PITPNM3: variants seen among roughly 807,000 people sequenced by gnomAD.
PITPNM3 encodes membrane-associated phosphatidylinositol transfer protein 3.
Under a neutral mutation model 102.0 loss-of-function variants are expected in PITPNM3, and 26 were observed. The observed-to-expected ratio is 0.25, with a 90% CI of 0.19 to 0.35. The LOEUF (loss-of-function observed/expected upper bound fraction) is 0.35, where lower values mean the gene tolerates loss of function less well. Among genes scored for constraint, PITPNM3 ranks in the 10% least tolerant of loss-of-function variants. The probability of loss-of-function intolerance (pLI) is 1.00; values close to 1 mark genes in which losing one functional copy is unlikely to be tolerated. For missense variants in PITPNM3, 1,083 were observed against 1,346.1 expected, an observed-to-expected ratio of 0.80 and a Z score of 3.06; for synonymous variants, 578 against 558.6, an observed-to-expected ratio of 1.03 and a Z score of -0.49.
At chr17:6,482,036 G>GTCTCTCTCTCTC (rs1567670360) in intron 6 of PITPNM3, among the ~76,000 whole-genome samples, 4 of 25,844 alleles carry the variant, frequency 1.5e-4, no homozygotes, top group Admixed American at 3.6e-4. Context: ...CTCTCTCTCT[G>GTCTCTCTCTCTC]TCTGTCTCTC....
chr17:6,500,056 C>T (rs1462410113), intron 4 of PITPNM3, among the ~76,000 whole-genome samples: 3 of 152,154 alleles, frequency 2.0e-5, no homozygotes, highest in African/African-American at 7.2e-5. Flanking sequence ...CTTTCCACAA[C>T]TGAGTAAACT....
At position 6,457,846 on chromosome 17, in the gene PITPNM3, C is replaced by G; in HGVS notation, c.2491-124G>C. On this transcript the variant is annotated intron_variant, in intron 18 of 19. Coordinates refer to ENST00000262483, the MANE Select transcript of PITPNM3 (RefSeq NM_031220.4). The surrounding 1 kb of genome is among the most constrained non-coding windows in gnomAD (Gnocchi z 4.7). The stretch of plus-strand genomic sequence containing the variant: ...TATGTGCACTCTGGTAGACTCCAAG[C>G]CATGGGGCCACCCTGTGTCAGGAAT... The G allele has an allele frequency of 7.4e-7, 1 of 1,349,466 alleles. No individual in the cohort carries two copies. Among genetic ancestry groups the G allele is most frequent in the South Asian group, 1.3e-5 (1 of 79,322 alleles). The allele number at this position is 1,349,466 out of a possible 1,614,324, so 83.6% of individuals were successfully genotyped here.
At chr17:6,549,146 G>A (rs1405352724) in intron 1 of PITPNM3, among the ~76,000 whole-genome samples, 1 of 152,094 alleles carries the variant, frequency 6.6e-6, no homozygotes, top group African/African-American at 2.4e-5. Context: ...CCTAGAGAGA[G>A]CAGCTTCACA....
intron 4 of PITPNM3, among the ~76,000 whole-genome samples, chr17:6,492,853 A>G (rs1367338560): frequency 6.6e-6 from 1 of 152,062 alleles, no homozygotes; most frequent in Non-Finnish European, 1.5e-5. Context: ...GTGAAACCCT[A>G]TCTCAAAAAA....
chr17:6,501,854 T>G (rs1382571122), intron 4 of PITPNM3, among the ~76,000 whole-genome samples: 1 of 152,220 alleles, frequency 6.6e-6, no homozygotes, highest in Non-Finnish European at 1.5e-5. Flanking sequence ...TGGTGTGGAA[T>G]GGCCCCATCT....
chr17:6,531,490 T>G (rs1909142846), intron 2 of PITPNM3, among the ~76,000 whole-genome samples: 1 of 152,244 alleles, frequency 6.6e-6, no homozygotes, highest in Non-Finnish European at 1.5e-5. Flanking sequence ...CTGGCCAGAC[T>G]ACCTGTCACC....
In PITPNM3 at chr17:6,455,261, G is replaced by A. The variant is rs528096089; in HGVS notation, c.*77C>T. 2.0e-6 allele frequency: 3 copies of A among 1,477,822 alleles called. No homozygotes were observed. The South Asian group carries it at 3.9e-5, about 19-fold the overall frequency. 91.5% of individuals were successfully genotyped at this position (1,477,822 alleles called of 1,614,324 possible). On this transcript the variant is annotated 3_prime_UTR_variant, in exon 20 of 20. Coordinates refer to ENST00000262483, the MANE Select transcript of PITPNM3 (RefSeq NM_031220.4). ...AAAGCAGGAAAACGCCTGTGTCGGG[G>A]AGAGGGCAGCCCCCTCCCGTCCCCG...
chr17:6,514,247 G>GA (rs1908025837), intron 3 of PITPNM3, among the ~76,000 whole-genome samples: 1 of 149,780 alleles, frequency 6.7e-6, no homozygotes, highest in African/African-American at 2.5e-5. Context: ...GACAATAAAA[G>GA]AAAAAATAGA....
chr17:6,505,481 G>GGACGGT (rs1907448618), intron 3 of PITPNM3, among the ~76,000 whole-genome samples: 1 of 152,070 alleles, frequency 6.6e-6, no homozygotes, highest in Non-Finnish European at 1.5e-5. Flanking sequence ...CCTGGACACC[G>GGACGGT]TCATAGAGCA....
chr17:6,555,016 C>T (rs1008950531), intron 1 of PITPNM3, among the ~76,000 whole-genome samples: 1 of 152,208 alleles, frequency 6.6e-6, no homozygotes, highest in African/African-American at 2.4e-5. Flanking sequence ...AGATGGGACA[C>T]ACGCCCTGCC....
In PITPNM3 at chr17:6,455,329, GCCCA is replaced by G; in HGVS notation, c.*5_*8del. 6.4e-7 allele frequency: 1 copy of G among 1,568,528 alleles called. No individual in the cohort carries two copies. The highest frequency in any genetic ancestry group is 1.4e-5 in the African/African-American group (1 of 73,790). On this transcript the variant is annotated 3_prime_UTR_variant, in exon 20 of 20. Transcript: ENST00000262483. ...CCCCCCGCTCCCTGCTCTGAGCACA[GCCCA>G]CCCCTCAGGGCACCGACTCGAACTT...
At chr17:6,531,241 G>A (rs1909128549) in intron 2 of PITPNM3, among the ~76,000 whole-genome samples, 1 of 152,188 alleles carries the variant, frequency 6.6e-6, no homozygotes, top group Non-Finnish European at 1.5e-5. Flanking sequence ...TATAAAAACA[G>A]AACACAAAGT....
At position 6,470,346 on chromosome 17, in the gene PITPNM3, T is replaced by A; in HGVS notation, c.1687A>T (p.Thr563Ser). Residue 563 changes from threonine (T) to serine (S), a missense_variant, in exon 13 of 20, where the codon ACG (threonine) becomes TCG (serine). Transcript: ENST00000262483. The surrounding 1 kb of genome is among the most constrained non-coding windows in gnomAD (Gnocchi z 4.8). The stretch of plus-strand genomic sequence containing the variant: ...GGCAGGGCCACGGTGGGGAAGGCCG[T>A]GAGGACATCAGGGCAGTACAGGGCA... ...DYALYCPDVL[T>S]AFPTVALPHL... 1.2e-6 allele frequency: 2 copies of A among 1,614,030 alleles called. No homozygotes were observed. Among genetic ancestry groups the A allele is most frequent in the Non-Finnish European group, 1.7e-6 (2 of 1,179,990 alleles).
At chr17:6,521,623 A>ATAT (rs978908072) in intron 3 of PITPNM3, among the ~76,000 whole-genome samples, 6 of 151,152 alleles carry the variant, frequency 4.0e-5, no homozygotes, top group African/African-American at 1.5e-4. Context: ...ATTAAAAAAA[A>ATAT]ATATATATAT....
intron 4 of PITPNM3, among the ~76,000 whole-genome samples, chr17:6,486,285 A>C (rs1199187830): frequency 6.6e-6 from 1 of 152,180 alleles, no homozygotes; most frequent in Non-Finnish European, 1.5e-5. Context: ...TTAAAGTCGT[A>C]GGTTCTAGAT....
intron 3 of PITPNM3, among the ~76,000 whole-genome samples, chr17:6,515,397 C>CA (rs61420968): frequency 0.064 from 5,236 of 81,840 alleles, 281 homozygotes; most frequent in East Asian, 0.18. Context: ...GACTCCATCT[C>CA]AAAAAAAAAA....
chr17:6,489,277 C>T (rs552877095), intron 4 of PITPNM3, among the ~76,000 whole-genome samples: 1 of 152,168 alleles, frequency 6.6e-6, no homozygotes. Context: ...TGAGGGCCCA[C>T]TGGCTAAAGC....
intron 2 of PITPNM3, among the ~76,000 whole-genome samples, chr17:6,530,781 T>C (rs930207725): frequency 6.6e-6 from 1 of 152,136 alleles, no homozygotes; most frequent in Non-Finnish European, 1.5e-5. Context: ...TGCATATTCA[T>C]GGAGGGAGGG....
rs116570334 is a variant in PITPNM3 at position 6,517,251 on chromosome 17, A to C, written c.226+8105T>G. Among the ~76,000 whole-genome samples, 271 of 152,362 alleles carry C rather than the reference A, an allele frequency of 1.8e-3. 2 individuals carry two copies. The highest frequency in any genetic ancestry group is 6.3e-3 in the African/African-American group (264 of 41,584). The stretch of plus-strand genomic sequence containing the variant: ...TGCTACAAAGGGCAAATTTTACTGA[A>C]TATAAATCATAGCTCAAAATACTTA... On this transcript the variant is annotated intron_variant, in intron 3 of 19. Coordinates refer to ENST00000262483, the MANE Select transcript of PITPNM3 (RefSeq NM_031220.4). This position sits in a 1 kb window ranked among gnomAD's most constrained non-coding sequence, Gnocchi z 4.1.
Sources: gnomAD v4.1 joint callset for allele counts (sites outside exome capture counted in the v4.1 genomes callset) on GRCh38, gnomAD v4.1.1 for gene constraint, Gnocchi (gnomAD v3.1) non-coding constraint, MANE v1.5 for transcripts, NCBI Gene and HGNC (gene_info 2026-07-23, HGNC 2026-07-21) for gene names.